PHLDA1: variants seen among roughly 807,000 people sequenced by gnomAD.
The protein encoded by PHLDA1 is pleckstrin homology-like domain family A member 1.
Under a neutral mutation model 33.8 loss-of-function variants are expected in PHLDA1, and 28 were observed. That is an observed-to-expected ratio of 0.83 (90% CI 0.61 to 1.14). PHLDA1 has a LOEUF of 1.14. Ranked by LOEUF, PHLDA1 falls within the 50% of genes most tolerant of loss-of-function variation. The pLI, the probability that PHLDA1 is intolerant of heterozygous loss-of-function variation, is 0.00. For synonymous variants in PHLDA1, 271 were observed against 243.6 expected (o/e 1.11, Z -1.05); for missense variants, 595 against 548.6 (o/e 1.08, Z -0.84).
exon 2 of PHLDA1, chr12:76,029,753 T>C (rs1490274580): frequency 6.6e-6 from 1 of 151,686 alleles, no homozygotes; most frequent in African/African-American, 2.4e-5. Context: ...TGGAAAATGG[T>C]CTACATTCAG....
exon 2 of PHLDA1, chr12:76,027,374 T>C (rs1755049129): frequency 1.3e-5 from 2 of 152,154 alleles, no homozygotes; most frequent in South Asian, 4.1e-4. Context: ...AGATTTCACA[T>C]TAAATGCTAA....
At chr12:76,026,043 G>A (rs757044639) in exon 2 of PHLDA1, 8 of 152,152 alleles carry the variant, frequency 5.3e-5, no homozygotes, top group Non-Finnish European at 1.0e-4. Context: ...GAGGAAACAG[G>A]TCTTAAGAAC....
rs999385351 is a variant in PHLDA1, at chr12:76,031,717, G to A, written c.25C>T (p.Arg9Cys). 1 of 1,397,856 alleles carries A rather than the reference G, an allele frequency of 7.2e-7. No homozygotes were observed. The highest frequency in any genetic ancestry group is 9.3e-7 in the Non-Finnish European group (1 of 1,072,552). The allele number at this position is 1,397,856 out of a possible 1,614,324, so 86.6% of individuals were successfully genotyped here. Residue 9 changes from arginine to cysteine, a missense_variant, in exon 1 of 2, where the codon CGC (arginine) becomes TGC (cysteine). By Grantham distance (180) the Arg-to-Cys change is radical (BLOSUM62 -3). Around this residue, in one of 3 missense-constraint regions of PHLDA1, gnomAD observed 263 missense variants for 232.3 expected, o/e 1.13. Coordinates refer to ENST00000266671, the Ensembl canonical transcript of PHLDA1. The surrounding 1 kb of genome is among the most constrained non-coding windows in gnomAD (Gnocchi z 5.4). ...GGGGGAAAGCCCAGCTCCAAGAGGC[G>A]CTCGGCAGCCGGCGCACGCCTCATT...
exon 2 of PHLDA1, chr12:76,029,674 C>T (rs1052711411): frequency 7.2e-5 from 11 of 152,566 alleles, no homozygotes; most frequent in Admixed American, 1.3e-4. Context: ...TTCCCCTCCA[C>T]CGCCCTTTTT....
exon 2 of PHLDA1, chr12:76,029,982 G>A (rs1870854952): frequency 6.5e-6 from 1 of 154,232 alleles, no homozygotes; most frequent in African/African-American, 2.4e-5. Flanking sequence ...GTTTTCAGTA[G>A]GGTGATGTCC....
exon 2 of PHLDA1, chr12:76,029,486 C>A (rs150791523): frequency 1.3e-5 from 2 of 152,316 alleles, no homozygotes; most frequent in South Asian, 4.1e-4. Flanking sequence ...CATAATTACA[C>A]CATTTTTAAC....
In PHLDA1 at chr12:76,031,479, G is replaced by A; in HGVS notation, c.263C>T (p.Pro88Leu). 1 of 1,511,808 alleles carries A rather than the reference G, an allele frequency of 6.6e-7. No individual in the cohort carries two copies. The allele number at this position is 1,511,808 out of a possible 1,614,324, so 93.6% of individuals were successfully genotyped here. A position where few individuals can be genotyped will look rare whatever the true frequency, so the allele number is the denominator to read the frequency against. The stretch of plus-strand genomic sequence containing the variant: ...GAGGCTAACACGCAGGAGGCAGAGC[G>A]GCGGCGGCGGCTCTGGGTCCCGGCA... Residue 88 changes from proline to leucine, a missense_variant, in exon 1 of 2, where the codon CCG becomes CTG. Pro to Leu is a moderately conservative substitution (Grantham distance 98, BLOSUM62 -3). This residue lies in a region of PHLDA1 where 263 missense variants were observed against 232.3 expected (regional missense o/e 1.13). Transcript: ENST00000266671. This position sits in a 1 kb window ranked among gnomAD's most constrained non-coding sequence, Gnocchi z 5.4.
chr12:76,027,068 T>G (rs949557926), exon 2 of PHLDA1: 2 of 152,260 alleles, frequency 1.3e-5, no homozygotes, highest in Non-Finnish European at 2.9e-5. Context: ...TTCCAACTTT[T>G]TACATTTTAT....
At chr12:76,029,617 A>T (rs1870847287) in exon 2 of PHLDA1, 1 of 152,640 alleles carries the variant, frequency 6.6e-6, no homozygotes, top group Non-Finnish European at 1.5e-5. Flanking sequence ...TGAAAGTGTC[A>T]GACTTTCTGA....
At chr12:76,030,949 G>A (rs1870889133) in exon 1 of PHLDA1, 2 of 1,614,074 alleles carry the variant, frequency 1.2e-6, no homozygotes, top group Non-Finnish European at 1.7e-6. Context: ...TGCGGGCACC[G>A]AAAGTCGATC....
chr12:76,031,527 C>A lies in PHLDA1; in HGVS notation c.215G>T (p.Arg72Leu). ...GCAGAGGGACAGCCGCGTCCTGATG[C>A]GCCACAAGGTCCCGGAGCTCCGAGC... The change falls in exon 1 of 2, where the codon CGC (arginine) becomes CTC (leucine). Residue 72 changes from arginine (R) to leucine (L), a missense_variant. Around this residue, in one of 3 missense-constraint regions of PHLDA1, gnomAD observed 263 missense variants for 232.3 expected, o/e 1.13. Transcript: ENST00000266671. The surrounding 1 kb of genome is among the most constrained non-coding windows in gnomAD (Gnocchi z 5.4). 6.5e-7 allele frequency: 1 copy of A among 1,528,954 alleles called. No individual in the cohort carries two copies. Among genetic ancestry groups the A allele is most frequent in the Non-Finnish European group, 8.8e-7 (1 of 1,141,320 alleles). 94.7% of individuals were successfully genotyped at this position (1,528,954 alleles called of 1,614,324 possible).
chr12:76,030,857 C>T (rs1206767037), exon 1 of PHLDA1: 2 of 1,605,328 alleles, frequency 1.2e-6, no homozygotes, highest in East Asian at 2.2e-5. Flanking sequence ...GCTTCTGCCG[C>T]GTGGATTTGA....
chr12:76,029,671 C>T (rs549235120), exon 2 of PHLDA1: 23 of 152,714 alleles, frequency 1.5e-4, no homozygotes, highest in African/African-American at 5.1e-4. Flanking sequence ...GTTTTCCCCT[C>T]CACCGCCCTT....
chr12:76,031,500 C>A lies in PHLDA1; in HGVS notation c.242G>T (p.Arg81Leu), dbSNP rs760506536. 6.6e-7 allele frequency: 1 copy of A among 1,520,188 alleles called. No individual in the cohort carries two copies. Among genetic ancestry groups the A allele is most frequent in the South Asian group, 1.3e-5 (1 of 79,716 alleles). The allele number at this position is 1,520,188 out of a possible 1,614,324, so 94.2% of individuals were successfully genotyped here. A position where few individuals can be genotyped will look rare whatever the true frequency, so the allele number is the denominator to read the frequency against. Reference sequence around the variant, plus strand: ...GAGCGGCGGCGGCGGCTCTGGGTCCCGGCAGAGGGACAGCCGCGTCCTGAT... The same window carrying A: ...GAGCGGCGGCGGCGGCTCTGGGTCCAGGCAGAGGGACAGCCGCGTCCTGAT... The change falls in exon 1 of 2, where the codon CGG (arginine) becomes CTG (leucine). Residue 81 changes from arginine (R) to leucine (L), a missense_variant. Arg to Leu is a moderately radical substitution (Grantham distance 102, BLOSUM62 -2). Coordinates refer to ENST00000266671, the Ensembl canonical transcript of PHLDA1. The surrounding 1 kb of genome is among the most constrained non-coding windows in gnomAD (Gnocchi z 5.4).
exon 2 of PHLDA1, chr12:76,028,358 T>G (rs182787121): frequency 6.6e-6 from 1 of 152,356 alleles, no homozygotes; most frequent in African/African-American, 2.4e-5. Context: ...GGGGGTCCAC[T>G]TAAGTTTTGT....
At position 76,031,152 on chromosome 12, in the gene PHLDA1, T is replaced by C; in HGVS notation, c.590A>G (p.Gln197Arg). Residue 197 changes from glutamine (Q) to arginine (R), a missense_variant, in exon 1 of 2, where the codon CAG becomes CGG. Coordinates refer to ENST00000266671, the Ensembl canonical transcript of PHLDA1. The surrounding 1 kb of genome is among the most constrained non-coding windows in gnomAD (Gnocchi z 5.4). ...GGGCTGTTGTTGCTGCTGCTGCTGC[T>C]GCTGTTGCTGCTGCTGCTGCTGGTG... 1 of 1,459,796 alleles carries C rather than the reference T, an allele frequency of 6.9e-7. No individual in the cohort carries two copies. The highest frequency in any genetic ancestry group is 9.0e-7 in the Non-Finnish European group (1 of 1,111,976). The allele number at this position is 1,459,796 out of a possible 1,614,324, so 90.4% of individuals were successfully genotyped here. A position where few individuals can be genotyped will look rare whatever the true frequency, so the allele number is the denominator to read the frequency against.
At chr12:76,028,932 T>C (rs1431495943) in exon 2 of PHLDA1, 1 of 152,542 alleles carries the variant, frequency 6.6e-6, no homozygotes, top group Non-Finnish European at 1.5e-5. Context: ...GAGTTTAGCT[T>C]ACCTAACAGC....
chr12:76,031,190 G>A lies in PHLDA1; in HGVS notation c.552C>T (p.Pro184=), dbSNP rs752177542. ...GCTGCTGCTGGTGTTGCAGCTGCTTGGGCGGGATAAGCAGCAGCCCTTCCT... is the reference window on the plus strand; with the variant it reads ...GCTGCTGCTGGTGTTGCAGCTGCTTAGGCGGGATAAGCAGCAGCCCTTCCT... The change falls in exon 1 of 2, where the codon CCC becomes CCT. Residue 184 remains proline (P), a synonymous_variant. Transcript: ENST00000266671. The surrounding 1 kb of genome is among the most constrained non-coding windows in gnomAD (Gnocchi z 5.4). 1.9e-6 allele frequency: 3 copies of A among 1,613,046 alleles called. No homozygotes were observed. In the South Asian group the frequency reaches 3.3e-5, roughly 18 times the overall value.
chr12:76,030,899 C>A (rs766406348), exon 1 of PHLDA1: 2 of 1,613,676 alleles, frequency 1.2e-6, no homozygotes, highest in South Asian at 1.1e-5. Flanking sequence ...TCTTGTACTG[C>A]ACCATCTGCA....
Sources: allele counts gnomAD v4.1 joint callset, GRCh38; gene constraint gnomAD v4.1.1; regional missense constraint gnomAD v4.1.1; non-coding constraint Gnocchi (gnomAD v3.1); transcripts MANE v1.5; gene names NCBI Gene and HGNC (gene_info 2026-07-23, HGNC 2026-07-21).